The following NKAIN2 variants were observed in gnomAD, a reference collection of about 807,000 sequenced individuals.
The protein encoded by NKAIN2 is sodium/potassium-transporting ATPase subunit beta-1-interacting protein 2.
Under a neutral mutation model 32.6 loss-of-function variants are expected in NKAIN2, and 14 were observed. The ratio of observed to expected loss-of-function variants is 0.43; its 90% confidence interval spans 0.28 to 0.67. The LOEUF (loss-of-function observed/expected upper bound fraction) is 0.67. Ranked by LOEUF, NKAIN2 falls within the 30% of genes least tolerant of loss-of-function variation. The pLI is 0.17. For synonymous variants in NKAIN2, 80 were observed against 87.2 expected (o/e 0.92, Z 0.46); for missense variants, 198 against 258.3 (o/e 0.77, Z 1.60).
At chr6:124,586,751 A>T (rs1013009030) in intron 3 of NKAIN2, among the ~76,000 whole-genome samples, 2 of 152,240 alleles carry the variant, frequency 1.3e-5, no homozygotes, top group Non-Finnish European at 2.9e-5. Flanking sequence ...AAATATTTAT[A>T]GCAGCTTTAT....
rs558359900 is a variant in NKAIN2 at position 124,810,933 on chromosome 6, A to T, written c.536-7454A>T. ...CCTTATCAGGAAAAAAAAAAAAAAA[A>T]AGCTCAGAGTCCCTCCAGGGATTTT... On this transcript the variant is annotated intron_variant, in intron 5 of 6. Coordinates refer to ENST00000368417, the MANE Select transcript of NKAIN2 (RefSeq NM_001040214.3). 1.2e-3 allele frequency among the ~76,000 whole-genome samples: 188 copies of T among 151,622 alleles called. 2 individuals are homozygous for T. Among genetic ancestry groups the T allele is most frequent in the Non-Finnish European group, 2.1e-3 (140 of 67,856 alleles).
At position 124,822,339 on chromosome 6, in the gene NKAIN2, A is replaced by C. The variant is rs374409927; in HGVS notation, c.618-881A>C. Among the ~76,000 whole-genome samples, 26 of 152,332 alleles carry C rather than the reference A, an allele frequency of 1.7e-4. No homozygotes were observed. The South Asian group carries it at 5.0e-3, about 29-fold the overall frequency. ...AACCTGCCATAAATATGTCTTGTAA[A>C]GTAAGAGTAATTTAACTTCAGGGGC... is the stretch of plus-strand genomic sequence containing the variant. On this transcript the variant is annotated intron_variant, in intron 6 of 6. Coordinates refer to ENST00000368417, the MANE Select transcript of NKAIN2 (RefSeq NM_001040214.3).
intron 3 of NKAIN2, among the ~76,000 whole-genome samples, chr6:124,606,489 G>A (rs1782503712): frequency 6.6e-6 from 1 of 151,914 alleles, no homozygotes; most frequent in African/African-American, 2.4e-5. Flanking sequence ...AAGGAGTTTT[G>A]CTTTGAAGTA....
chr6:124,458,083 TA>T (rs1776390988), intron 3 of NKAIN2, among the ~76,000 whole-genome samples: 1 of 151,962 alleles, frequency 6.6e-6, no homozygotes, highest in South Asian at 2.1e-4. Flanking sequence ...CAAATTTGCT[TA>T]AAATAATTAT....
At chr6:124,368,539 A>G (rs1799618626) in intron 3 of NKAIN2, among the ~76,000 whole-genome samples, 1 of 152,116 alleles carries the variant, frequency 6.6e-6, no homozygotes, top group South Asian at 2.1e-4. Context: ...TCCAAACAGA[A>G]GAGTCCCCCT....
At chr6:123,868,967 A>G (rs758288060) in intron 1 of NKAIN2, among the ~76,000 whole-genome samples, 1 of 152,224 alleles carries the variant, frequency 6.6e-6, no homozygotes, top group Non-Finnish European at 1.5e-5. Context: ...TGAAGTCTGT[A>G]CATTCATCAG....
At chr6:124,209,124 G>A (rs1043240115) in intron 1 of NKAIN2, among the ~76,000 whole-genome samples, 3 of 149,850 alleles carry the variant, frequency 2.0e-5, no homozygotes, top group Non-Finnish European at 4.4e-5. Context: ...CCGCCTCGCC[G>A]CTACTCTTCA....
At chr6:124,582,467 A>C (rs1320352980) in intron 3 of NKAIN2, among the ~76,000 whole-genome samples, 1 of 152,200 alleles carries the variant, frequency 6.6e-6, no homozygotes, top group Non-Finnish European at 1.5e-5. Context: ...AGCTGTAATA[A>C]AAATTCTCCC....
chr6:123,837,085 C>T (rs1774660586), intron 1 of NKAIN2, among the ~76,000 whole-genome samples: 1 of 151,904 alleles, frequency 6.6e-6, no homozygotes, highest in African/African-American at 2.4e-5. Context: ...ATGAAATCAC[C>T]CATATTTTGT....
chr6:124,160,756 T>C (rs1788233616), intron 1 of NKAIN2, among the ~76,000 whole-genome samples: 1 of 152,172 alleles, frequency 6.6e-6, no homozygotes, highest in African/African-American at 2.4e-5. Flanking sequence ...AATATGCATG[T>C]ATTAAAAATG....
chr6:124,155,650 T>C (rs574615712), intron 1 of NKAIN2, among the ~76,000 whole-genome samples: 2 of 151,428 alleles, frequency 1.3e-5, no homozygotes, highest in African/African-American at 4.8e-5. Context: ...TTTGATATGA[T>C]TTAACAATTC....
At chr6:124,146,276 AT>A (rs944444066) in intron 1 of NKAIN2, among the ~76,000 whole-genome samples, 20 of 152,142 alleles carry the variant, frequency 1.3e-4, no homozygotes, top group African/African-American at 4.8e-4. Context: ...GGCAAAAAAA[AT>A]GTACAGTTTT....
intron 4 of NKAIN2, among the ~76,000 whole-genome samples, chr6:124,771,707 T>C (rs1460833613): frequency 1.3e-5 from 2 of 152,204 alleles, no homozygotes; most frequent in Non-Finnish European, 2.9e-5. Flanking sequence ...TTTTCTATAG[T>C]GAGCATGAAT....
chr6:124,231,507 A>G (rs1335979815), intron 1 of NKAIN2, among the ~76,000 whole-genome samples: 1 of 152,134 alleles, frequency 6.6e-6, no homozygotes. Flanking sequence ...CTTATCTTGA[A>G]TTGTACTCCC....
chr6:124,370,264 C>T (rs1023378613), intron 3 of NKAIN2, among the ~76,000 whole-genome samples: 10 of 151,322 alleles, frequency 6.6e-5, no homozygotes, highest in African/African-American at 1.5e-4. Context: ...GAAGAAATTT[C>T]GAAATATTTA....
chr6:124,528,239 G>A (rs1206198230), intron 3 of NKAIN2, among the ~76,000 whole-genome samples: 1 of 152,208 alleles, frequency 6.6e-6, no homozygotes, highest in Non-Finnish European at 1.5e-5. Flanking sequence ...AAAGCTGTAA[G>A]AAATGAGAAT....
At chr6:124,471,913 ATTATAG>A (rs1362621497) in intron 3 of NKAIN2, among the ~76,000 whole-genome samples, 1 of 152,142 alleles carries the variant, frequency 6.6e-6, no homozygotes, top group Non-Finnish European at 1.5e-5. Flanking sequence ...TTAATGGATA[ATTATAG>A]TTATTATTGT....
chr6:124,657,486 A>G (rs1296176405), intron 3 of NKAIN2, among the ~76,000 whole-genome samples: 3 of 152,174 alleles, frequency 2.0e-5, no homozygotes, highest in Non-Finnish European at 2.9e-5. Flanking sequence ...ATCACCTAAC[A>G]TGGTGAACTT....
intron 1 of NKAIN2, among the ~76,000 whole-genome samples, chr6:124,082,479 C>T (rs1162530219): frequency 6.6e-6 from 1 of 151,696 alleles, no homozygotes; most frequent in Non-Finnish European, 1.5e-5. Flanking sequence ...TTGATGAACC[C>T]ATGGTCTTTT....
Sources: allele counts gnomAD v4.1 joint callset (sites outside exome capture counted in the v4.1 genomes callset), GRCh38; gene constraint gnomAD v4.1.1; transcripts MANE v1.5; gene names NCBI Gene and HGNC (gene_info 2026-07-23, HGNC 2026-07-21).